Variants in ARL15 observed in about 807,000 individuals in gnomAD.
The protein encoded by ARL15 is ARF like GTPase 15, also known as ADP-ribosylation factor-like protein 15.
A neutral mutation model predicts 25.2 loss-of-function variants in ARL15; 19 were observed. The observed-to-expected ratio is 0.75, with a 90% CI of 0.53 to 1.10. ARL15 has a LOEUF of 1.10. ARL15 is among the 50% of genes least tolerant of loss of function. ARL15 has a pLI of 0.00. For missense variants in ARL15, 220 were observed against 246.0 expected (o/e 0.89, Z 0.71); for synonymous variants, 94 against 86.8 (o/e 1.08, Z -0.46).
intron 4 of ARL15, among the ~76,000 whole-genome samples, chr5:53,986,789 A>G (rs563307015): frequency 6.6e-6 from 1 of 152,230 alleles, no homozygotes; most frequent in African/African-American, 2.4e-5. Flanking sequence ...TGGAGCTACA[A>G]TAGTGAAGAA....
chr5:54,151,611 C>G (rs1281491664), intron 3 of ARL15, among the ~76,000 whole-genome samples: 1 of 151,990 alleles, frequency 6.6e-6, no homozygotes, highest in Non-Finnish European at 1.5e-5. Context: ...AAAACACTTT[C>G]ACAAAACAGA....
intron 4 of ARL15, among the ~76,000 whole-genome samples, chr5:54,047,443 T>C (rs1441751278): frequency 1.3e-5 from 2 of 152,024 alleles, no homozygotes; most frequent in East Asian, 3.9e-4. Context: ...GGGCTGGGGG[T>C]AGGCAGAGAA....
intron 4 of ARL15, among the ~76,000 whole-genome samples, chr5:53,917,192 A>T (rs1195810604): frequency 6.6e-6 from 1 of 152,238 alleles, no homozygotes; most frequent in African/African-American, 2.4e-5. Flanking sequence ...GTCCAATTGT[A>T]GCAACTTATT....
At chr5:54,056,419 G>C (rs1193494815) in intron 4 of ARL15, among the ~76,000 whole-genome samples, 3 of 151,752 alleles carry the variant, frequency 2.0e-5, no homozygotes, top group Non-Finnish European at 4.4e-5. Context: ...ATCACCTGAG[G>C]TCAGGAGTTC....
At chr5:54,232,833 A>T (rs1408945591) in intron 1 of ARL15, among the ~76,000 whole-genome samples, 1 of 152,026 alleles carries the variant, frequency 6.6e-6, no homozygotes, top group East Asian at 1.9e-4. Flanking sequence ...CTGCCCTCAT[A>T]CACCATCCTT....
At chr5:54,217,148 A>C (rs1756230874) in intron 1 of ARL15, among the ~76,000 whole-genome samples, 1 of 152,020 alleles carries the variant, frequency 6.6e-6, no homozygotes, top group Non-Finnish European at 1.5e-5. Context: ...GTATTTTGTA[A>C]AACAAAATAT....
At chr5:54,266,769 G>A (rs911167059) in intron 1 of ARL15, among the ~76,000 whole-genome samples, 2 of 152,172 alleles carry the variant, frequency 1.3e-5, no homozygotes, top group African/African-American at 4.8e-5. Flanking sequence ...TTTTATCTTG[G>A]AGAGTTAGAA....
chr5:53,942,517 G>A (rs142684727), intron 4 of ARL15, among the ~76,000 whole-genome samples: 2 of 152,180 alleles, frequency 1.3e-5, no homozygotes, highest in African/African-American at 2.4e-5. Flanking sequence ...GGAGGCCGAG[G>A]CAGGTGGATC....
chr5:54,096,751 C>A (rs1752300661), intron 4 of ARL15, among the ~76,000 whole-genome samples: 1 of 152,138 alleles, frequency 6.6e-6, no homozygotes, highest in African/African-American at 2.4e-5. Context: ...GCTTAAAATT[C>A]TAAACCAAGG....
chr5:54,119,777 C>T (rs1753017164), intron 3 of ARL15, among the ~76,000 whole-genome samples: 1 of 152,132 alleles, frequency 6.6e-6, no homozygotes, highest in African/African-American at 2.4e-5. Context: ...GGAGTTACTA[C>T]CGTGTGAGTT....
chr5:53,899,108 A>G (rs1341247498), intron 4 of ARL15, among the ~76,000 whole-genome samples: 1 of 151,938 alleles, frequency 6.6e-6, no homozygotes, highest in East Asian at 1.9e-4. Flanking sequence ...GCACTTTGGG[A>G]GGCTGAGGTG....
chr5:53,956,462 C>G (rs184051765), intron 4 of ARL15, among the ~76,000 whole-genome samples: 1 of 149,474 alleles, frequency 6.7e-6, no homozygotes, highest in Non-Finnish European at 1.5e-5. Flanking sequence ...TCTTTCTTTG[C>G]ATGCCTTATA....
intron 1 of ARL15, among the ~76,000 whole-genome samples, chr5:54,212,821 G>T (rs1055358962): frequency 6.6e-6 from 1 of 152,198 alleles, no homozygotes; most frequent in African/African-American, 2.4e-5. Flanking sequence ...CTACCTAAAA[G>T]TAGTGATTTA....
At chr5:54,299,928 A>T (rs1758573172) in intron 1 of ARL15, among the ~76,000 whole-genome samples, 1 of 152,062 alleles carries the variant, frequency 6.6e-6, no homozygotes, top group Non-Finnish European at 1.5e-5. Context: ...CTCACCTCTG[A>T]GTTTCCATTT....
Position 54,217,934 on chromosome 5 carries a change from G to C in ARL15, c.49-46006C>G, listed in dbSNP as rs1385357357. ...GCTATAATTCTGTTAAGTTTAAAAG[G>C]GGGAAAAAAAATCACCCAAACATTG... is the stretch of plus-strand genomic sequence containing the variant. On this transcript the variant is annotated intron_variant, in intron 1 of 4. Coordinates refer to ENST00000504924, the MANE Select transcript of ARL15 (RefSeq NM_019087.3). Among the ~76,000 whole-genome samples the C allele has an allele frequency of 1.2e-4, 18 of 147,684 alleles. No individual in the cohort carries two copies. In the Admixed American group the frequency reaches 1.3e-3, roughly 10 times the overall value.
chr5:54,269,221 TAAG>T lies in ARL15; in HGVS notation c.48+41208_48+41210del, dbSNP rs1484786065. Among the ~76,000 whole-genome samples the T allele has an allele frequency of 3.0e-4, 46 of 151,818 alleles. 1 individual carries two copies. In the Middle Eastern group the frequency reaches 0.024, roughly 79 times the overall value. On this transcript the variant is annotated intron_variant, in intron 1 of 4. Coordinates refer to ENST00000504924, the MANE Select transcript of ARL15 (RefSeq NM_019087.3). ...ATGTACCCTAAAACTTAAAGTATAA[TAAG>T]AATAAAATAAAATAAAATAAAATAA...
chr5:53,922,801 C>T (rs1745896511), intron 4 of ARL15, among the ~76,000 whole-genome samples: 1 of 152,198 alleles, frequency 6.6e-6, no homozygotes, highest in South Asian at 2.1e-4. Context: ...GTGCTGACAA[C>T]TGAGCTGTGT....
chr5:53,944,691 C>G (rs1207936013), intron 4 of ARL15, among the ~76,000 whole-genome samples: 1 of 152,146 alleles, frequency 6.6e-6, no homozygotes, highest in Non-Finnish European at 1.5e-5. Flanking sequence ...ACTACCTTAT[C>G]CTTTTCCTTG....
At chr5:54,040,842 G>A (rs1750321133) in intron 4 of ARL15, among the ~76,000 whole-genome samples, 1 of 152,188 alleles carries the variant, frequency 6.6e-6, no homozygotes, top group African/African-American at 2.4e-5. Context: ...ACTGAAATGT[G>A]ATTATCAAAT....
Sources: gnomAD v4.1 joint callset for allele counts (sites outside exome capture counted in the v4.1 genomes callset) on GRCh38, gnomAD v4.1.1 for gene constraint, MANE v1.5 for transcripts, NCBI Gene and HGNC (gene_info 2026-07-23, HGNC 2026-07-21) for gene names.